The following MAMLD1 variants were observed in gnomAD, a reference collection of about 807,000 sequenced individuals.
MAMLD1 encodes mastermind like domain containing 1, also known as mastermind-like domain-containing protein 1.
Under a neutral mutation model 45.0 loss-of-function variants are expected in MAMLD1, and 14 were observed. That is an observed-to-expected ratio of 0.31 (90% CI 0.21 to 0.49). The LOEUF (loss-of-function observed/expected upper bound fraction) is 0.49, where lower values mean the gene tolerates loss of function less well. Ranked by LOEUF, MAMLD1 falls within the 20% of genes least tolerant of loss-of-function variation. MAMLD1 has a pLI of 0.99. For synonymous variants in MAMLD1, 254 were observed against 247.8 expected, an observed-to-expected ratio of 1.02 and a Z score of -0.24; for missense variants, 543 against 603.6, an observed-to-expected ratio of 0.90 and a Z score of 1.05.
chrX:150,397,195 C>T (rs1427396244), intron 1 of MAMLD1, among the ~76,000 whole-genome samples: 2 of 111,677 alleles, frequency 1.8e-5, no homozygotes, highest in African/African-American at 6.5e-5. Flanking sequence ...TTTCCTGGCT[C>T]TTCTTTTATG....
chrX:150,494,308 A>G (rs1388722273), intron 5 of MAMLD1, among the ~76,000 whole-genome samples: 2 of 111,106 alleles, frequency 1.8e-5, no homozygotes, highest in Non-Finnish European at 3.8e-5. Flanking sequence ...GCAGGAGAAC[A>G]GCTTGAACCC....
intron 6 of MAMLD1, chrX:150,504,126 C>G (rs2037652854): frequency 1.3e-6 from 1 of 752,797 alleles, no homozygotes; most frequent in South Asian, 6.8e-5. Context: ...GTCCAAGAGG[C>G]CTGTGAGTTG....
intron 5 of MAMLD1, among the ~76,000 whole-genome samples, chrX:150,476,865 A>G (rs1557406882): frequency 8.8e-6 from 1 of 113,366 alleles, no homozygotes; most frequent in Admixed American, 9.2e-5. Flanking sequence ...TGAACTCACC[A>G]TCTTCCCTTT....
At chrX:150,397,098 C>G (rs1047279229) in intron 1 of MAMLD1, among the ~76,000 whole-genome samples, 1 of 111,894 alleles carries the variant, frequency 8.9e-6, no homozygotes, top group African/African-American at 3.2e-5. Flanking sequence ...TGCAATGTCT[C>G]CAGGTTTGTT....
At chrX:150,422,213 A>G (rs371960456) in intron 1 of MAMLD1, among the ~76,000 whole-genome samples, 2 of 112,368 alleles carry the variant, frequency 1.8e-5, no homozygotes, top group South Asian at 3.7e-4. Flanking sequence ...TGAGGCTTCT[A>G]TCCAGGATCT....
chrX:150,457,592 T>A (rs1357288659), intron 2 of MAMLD1, among the ~76,000 whole-genome samples: 3 of 112,589 alleles, frequency 2.7e-5, no homozygotes, highest in Non-Finnish European at 5.6e-5. Context: ...ATCAGATGAA[T>A]GGACTGACCA....
At chrX:150,364,857 A>C (rs1379102750) in intron 1 of MAMLD1, among the ~76,000 whole-genome samples, 2 of 112,939 alleles carry the variant, frequency 1.8e-5, no homozygotes, top group Non-Finnish European at 3.8e-5. Context: ...CGCCGCCCCC[A>C]GCGGCCCCGG....
intron 1 of MAMLD1, among the ~76,000 whole-genome samples, chrX:150,409,733 C>T (rs1029717668): frequency 4.5e-5 from 5 of 111,680 alleles, no homozygotes; most frequent in South Asian, 3.8e-4. Flanking sequence ...GTCACTGGCT[C>T]GGCCGGCTCT....
intron 1 of MAMLD1, among the ~76,000 whole-genome samples, chrX:150,441,480 A>T (rs2035314490): frequency 9.1e-6 from 1 of 110,261 alleles, no homozygotes; most frequent in Non-Finnish European, 1.9e-5. Context: ...ACAAATTTTG[A>T]TACATTGTAT....
intron 1 of MAMLD1, among the ~76,000 whole-genome samples, chrX:150,432,696 G>A (rs112837270): frequency 0.013 from 1,418 of 111,472 alleles, 26 homozygotes; most frequent in African/African-American, 0.044. Context: ...ATTACTTGTT[G>A]TCAACTTTGT....
Position 150,512,659 on chromosome X carries a change from A to G in MAMLD1, c.*700A>G, listed in dbSNP as rs1294379546. ...GCCCGGTACAGGGCCCGGTGCCTGT[A>G]GCAAACACCACCAAGTTCCTCCAGC... On this transcript the variant is annotated 3_prime_UTR_variant, in exon 8 of 8. Transcript: ENST00000370401. 8.7e-7 allele frequency: 1 copy of G among 1,148,253 alleles called. No homozygotes were observed. The highest frequency in any genetic ancestry group is 1.8e-5 in the African/African-American group (1 of 55,671). 94.6% of individuals were successfully genotyped at this position (1,148,253 alleles called of 1,213,427 possible). A position where few individuals can be genotyped will look rare whatever the true frequency, so the allele number is the denominator to read the frequency against.
At chrX:150,377,033 T>A (rs1023305007) in intron 1 of MAMLD1, among the ~76,000 whole-genome samples, 9 of 113,149 alleles carry the variant, frequency 8.0e-5, no homozygotes, top group Non-Finnish European at 1.3e-4. Flanking sequence ...GTTGGCCACC[T>A]ATAGCTTATG....
chrX:150,454,066 G>A (rs1446790942), intron 2 of MAMLD1, among the ~76,000 whole-genome samples: 1 of 112,107 alleles, frequency 8.9e-6, no homozygotes, highest in Admixed American at 9.4e-5. Context: ...AGCCCTGCCT[G>A]CCCTTTACTG....
chrX:150,473,605 T>C, intron 4 of MAMLD1, 75 bp from the exon 5 acceptor site: 8 of 1,067,208 alleles, frequency 7.5e-6, no homozygotes, highest in East Asian at 3.0e-5. Context: ...GCAAAGCACA[T>C]AGGACACGGC....
chrX:150,497,283 C>CTTTTTTTTTT (rs782269885), intron 5 of MAMLD1, among the ~76,000 whole-genome samples: 70 of 85,186 alleles, frequency 8.2e-4, no homozygotes, highest in Non-Finnish European at 1.1e-3. Flanking sequence ...TCTTTTTTTT[C>CTTTTTTTTTT]TTTTTTTTTT....
intron 5 of MAMLD1, among the ~76,000 whole-genome samples, chrX:150,488,209 TC>T (rs1398024455): frequency 8.9e-6 from 1 of 112,343 alleles, no homozygotes; most frequent in Non-Finnish European, 1.9e-5. Context: ...TTGGCCCAGC[TC>T]CCTCTTCCCC....
chrX:150,469,623 C>T, intron 3 of MAMLD1, 122 bp from the exon 4 acceptor site: 1 of 540,179 alleles, frequency 1.9e-6, no homozygotes. Flanking sequence ...CTCTCTCTCT[C>T]TCTTTCTCTC....
intron 1 of MAMLD1, among the ~76,000 whole-genome samples, chrX:150,425,799 C>T (rs782362228): frequency 3.5e-4 from 39 of 112,299 alleles, no homozygotes; most frequent in African/African-American, 1.2e-3. Context: ...CTGGGGAACA[C>T]AGAGGGAGCA....
At chrX:150,406,688 G>A (rs2124529611) in intron 1 of MAMLD1, among the ~76,000 whole-genome samples, 1 of 112,155 alleles carries the variant, frequency 8.9e-6, no homozygotes, top group Admixed American at 9.4e-5. Flanking sequence ...GCCCTACCAA[G>A]GGAAATTCAG....
Sources: gnomAD v4.1 joint callset for allele counts (sites outside exome capture counted in the v4.1 genomes callset) on GRCh38, gnomAD v4.1.1 for gene constraint, MANE v1.5 for transcripts, NCBI Gene and HGNC (gene_info 2026-07-23, HGNC 2026-07-21) for gene names.